Variants in CUX1 observed in about 807,000 individuals in gnomAD.
CUX1 encodes the protein cut like homeobox 1, also known as protein CASP.
A neutral mutation model predicts 158.8 loss-of-function variants in CUX1; 31 were observed. The observed-to-expected ratio is 0.20, with a 90% CI of 0.15 to 0.26. The LOEUF (loss-of-function observed/expected upper bound fraction) is 0.26. Among genes scored for constraint, CUX1 ranks in the 10% least tolerant of loss-of-function variants. The pLI is 1.00. For missense variants in CUX1, 1,589 were observed against 2,014.6 expected, an observed-to-expected ratio of 0.79 and a Z score of 4.04; for synonymous variants, 879 against 862.1, an observed-to-expected ratio of 1.02 and a Z score of -0.34.
chr7:102,108,239 G>A (rs964439923), intron 6 of CUX1, among the ~76,000 whole-genome samples: 9 of 152,136 alleles, frequency 5.9e-5, no homozygotes, highest in African/African-American at 2.2e-4. Context: ...AACATGCACC[G>A]TACAAAATTA....
chr7:102,068,587 C>T (rs770857090), intron 3 of CUX1, among the ~76,000 whole-genome samples: 7 of 152,202 alleles, frequency 4.6e-5, no homozygotes, highest in Admixed American at 1.3e-4. Flanking sequence ...CACTAGCCAT[C>T]GTCCCCCAGT....
At chr7:101,922,820 C>T (rs1044272567) in intron 2 of CUX1, among the ~76,000 whole-genome samples, 14 of 152,156 alleles carry the variant, frequency 9.2e-5, no homozygotes, top group African/African-American at 2.2e-4. Flanking sequence ...AGGGGCTCCA[C>T]GGGCTGGCAG....
chr7:102,056,706 G>A (rs977953410), intron 3 of CUX1, among the ~76,000 whole-genome samples: 23 of 152,050 alleles, frequency 1.5e-4, no homozygotes, highest in Non-Finnish European at 3.2e-4. Context: ...GAGTAGCTGG[G>A]ATTACAGGCT....
At chr7:102,014,198 G>A (rs948551244) in intron 2 of CUX1, among the ~76,000 whole-genome samples, 6 of 152,092 alleles carry the variant, frequency 3.9e-5, no homozygotes, top group Admixed American at 6.6e-5. Flanking sequence ...TGTGGCCTTC[G>A]AAGCGGGTTG....
At chr7:102,277,241 G>C (rs374896365) in intron 17 of CUX1, among the ~76,000 whole-genome samples, 1 of 152,008 alleles carries the variant, frequency 6.6e-6, no homozygotes, top group Non-Finnish European at 1.5e-5. Flanking sequence ...AGGCTGCAGT[G>C]AGCTCTGGTC....
chr7:102,174,180 C>T (rs566093372), intron 10 of CUX1, among the ~76,000 whole-genome samples: 1 of 152,042 alleles, frequency 6.6e-6, no homozygotes, highest in African/African-American at 2.4e-5. Context: ...AGTGCAGTGG[C>T]GCAATCTGGG....
chr7:102,255,439 T>C lies in CUX1; in HGVS notation c.*6397T>C. On this transcript the variant is annotated 3_prime_UTR_variant, in exon 24 of 24. Coordinates refer to ENST00000292535, the MANE Select transcript of CUX1 (RefSeq NM_181552.4). ...CTGGCGAGAGAAAGACATTTGGCTATGCATAAATGTGCACTTCCCCCATGC... is the reference window on the plus strand; with the variant it reads ...CTGGCGAGAGAAAGACATTTGGCTACGCATAAATGTGCACTTCCCCCATGC... 1.0e-6 allele frequency: 1 copy of C among 984,514 alleles called. No homozygotes were observed. Among genetic ancestry groups the C allele is most frequent in the Non-Finnish European group, 1.2e-6 (1 of 829,786 alleles). The allele number at this position is 984,514 out of a possible 1,614,324, so 61.0% of individuals were successfully genotyped here.
At chr7:102,050,827 C>G (rs535696771) in intron 3 of CUX1, among the ~76,000 whole-genome samples, 2 of 152,118 alleles carry the variant, frequency 1.3e-5, no homozygotes, top group Admixed American at 1.3e-4. Context: ...CTCAACCTCT[C>G]GAGTAGCTGG....
intron 4 of CUX1, among the ~76,000 whole-genome samples, chr7:102,092,912 CA>C (rs60587564): frequency 0.25 from 18,254 of 73,956 alleles, 1,604 homozygotes; most frequent in Middle Eastern, 0.28. Flanking sequence ...GACTCCGTCT[CA>C]AAAAAAAAAA....
intron 5 of CUX1, among the ~76,000 whole-genome samples, chr7:102,104,085 A>G (rs1249753125): frequency 2.0e-5 from 3 of 151,988 alleles, no homozygotes; most frequent in African/African-American, 7.3e-5. Flanking sequence ...TTTAACTGGT[A>G]CTACAGAAAC....
intron 3 of CUX1, among the ~76,000 whole-genome samples, chr7:102,035,038 A>G (rs996758852): frequency 4.6e-5 from 7 of 151,092 alleles, no homozygotes; most frequent in Non-Finnish European, 8.8e-5. Context: ...GGTATTTATC[A>G]GAAACATACA....
At chr7:102,087,962 G>C (rs1828121338) in intron 4 of CUX1, among the ~76,000 whole-genome samples, 1 of 150,588 alleles carries the variant, frequency 6.6e-6, no homozygotes, top group Non-Finnish European at 1.5e-5. Context: ...AATTCTGTTA[G>C]CTTTCATTCA....
intron 1 of CUX1, among the ~76,000 whole-genome samples, chr7:101,827,777 T>C (rs1334326191): frequency 6.6e-6 from 1 of 152,122 alleles, no homozygotes; most frequent in Admixed American, 6.6e-5. Context: ...AAGAAAGTTG[T>C]AAGGAAGAGA....
At chr7:102,226,183 G>A (rs564665409) in intron 20 of CUX1, among the ~76,000 whole-genome samples, 7 of 152,302 alleles carry the variant, frequency 4.6e-5, no homozygotes, top group South Asian at 2.1e-4. Flanking sequence ...CACCCACGGC[G>A]ACCCCAACAA....
intron 21 of CUX1, among the ~76,000 whole-genome samples, chr7:102,229,712 G>A (rs1044537500): frequency 1.3e-5 from 2 of 149,720 alleles, no homozygotes; most frequent in Admixed American, 6.7e-5. Context: ...CTGCCTCCTG[G>A]GTTCAGGCGA....
intron 2 of CUX1, among the ~76,000 whole-genome samples, chr7:101,987,550 C>G (rs1489186683): frequency 1.3e-5 from 2 of 152,212 alleles, no homozygotes; most frequent in Admixed American, 6.5e-5. Context: ...ACCTTGACCC[C>G]GGTGACTCCG....
intron 1 of CUX1, among the ~76,000 whole-genome samples, chr7:101,832,807 G>A (rs1039836532): frequency 3.9e-5 from 6 of 152,110 alleles, no homozygotes; most frequent in Non-Finnish European, 8.8e-5. Context: ...TTCTGGGCGC[G>A]TCGGAGCGGC....
chr7:101,942,286 C>G (rs905631019), intron 2 of CUX1, among the ~76,000 whole-genome samples: 4 of 152,162 alleles, frequency 2.6e-5, no homozygotes, highest in African/African-American at 9.7e-5. Flanking sequence ...CACATTGGGT[C>G]ATAGGTTTGC....
chr7:102,046,639 C>T lies in CUX1; in HGVS notation c.189+18494C>T, dbSNP rs372255316. ...TCACCCAGGCTGGAGTGCAGTTGCA[C>T]GATCACAGCTCACTGCAGCCTGGAC... On this transcript the variant is annotated intron_variant, in intron 3 of 23. Transcript: ENST00000292535. Among the ~76,000 whole-genome samples, 58 of 140,612 alleles carry T rather than the reference C, an allele frequency of 4.1e-4. 2 individuals carry two copies. Among genetic ancestry groups the T allele is most frequent in the African/African-American group, 1.3e-3 (49 of 37,338 alleles). The allele number at this position is 140,612 out of a possible 152,430, so 92.2% of individuals were successfully genotyped here. A position where few individuals can be genotyped will look rare whatever the true frequency, so the allele number is the denominator to read the frequency against.
Sources: gnomAD v4.1 joint callset for allele counts (sites outside exome capture counted in the v4.1 genomes callset) on GRCh38, gnomAD v4.1.1 for gene constraint, MANE v1.5 for transcripts, NCBI Gene and HGNC (gene_info 2026-07-23, HGNC 2026-07-21) for gene names.